Variants in LRMDA observed in about 807,000 individuals in gnomAD.
The protein encoded by LRMDA is leucine rich melanocyte differentiation associated.
In LRMDA, 18 loss-of-function variants were observed where a neutral mutation model predicts 29.8. The ratio of observed to expected loss-of-function variants is 0.60; its 90% CI spans 0.42 to 0.90. The LOEUF is 0.90. LRMDA is among the 40% of genes least tolerant of loss of function. LRMDA has a pLI of 0.00. For missense variants in LRMDA, 273 were observed against 273.9 expected, an observed-to-expected ratio of 1.00 and a Z score of 0.02; for synonymous variants, 125 against 109.4, an observed-to-expected ratio of 1.14 and a Z score of -0.89.
rs111249204 is a variant in LRMDA, at chr10:76,298,532, G to A, written c.517-25869G>A. Among the ~76,000 whole-genome samples, 1,178 of 152,316 alleles carry A rather than the reference G, an allele frequency of 7.7e-3. 17 individuals carry two copies. The highest frequency in any genetic ancestry group is 0.026 in the African/African-American group (1,077 of 41,558). ...GAGAGGAAATGAACTCTGACTTAGA[G>A]ACTCTCAAAGTCTGTCAAGAACTCA... On this transcript the variant is annotated intron_variant, in intron 5 of 6. Transcript: ENST00000611255.
rs538233553 is a variant in LRMDA at position 75,762,179 on chromosome 10, G to A, written c.132-273829G>A. On this transcript the variant is annotated intron_variant, in intron 2 of 6. Coordinates refer to ENST00000611255, the MANE Select transcript of LRMDA (RefSeq NM_001305581.2). Reference sequence around the variant, plus strand: ...GAAAGAGGCAGTTGTGCAGGGCACAGTAACAAGCGGATTAGGCATTGTTAT... The same window carrying A: ...GAAAGAGGCAGTTGTGCAGGGCACAATAACAAGCGGATTAGGCATTGTTAT... 9.8e-4 allele frequency among the ~76,000 whole-genome samples: 149 copies of A among 152,318 alleles called. 1 individual carries two copies. The highest frequency in any genetic ancestry group is 3.4e-3 in the Middle Eastern group (1 of 294).
At chr10:75,467,637 T>C (rs1187209220) in intron 2 of LRMDA, among the ~76,000 whole-genome samples, 1 of 152,074 alleles carries the variant, frequency 6.6e-6, no homozygotes, top group African/African-American at 2.4e-5. Context: ...TGTGGATAAA[T>C]TGTGGGGACA....
intron 2 of LRMDA, among the ~76,000 whole-genome samples, chr10:75,766,376 T>G (rs1011521490): frequency 2.3e-4 from 35 of 152,252 alleles, no homozygotes; most frequent in African/African-American, 7.9e-4. Flanking sequence ...ACATAATACA[T>G]GCTCAAAAAG....
chr10:76,503,212 T>A (rs1842928370), intron 6 of LRMDA, among the ~76,000 whole-genome samples: 1 of 151,988 alleles, frequency 6.6e-6, no homozygotes, highest in African/African-American at 2.4e-5. Context: ...GATTTGTATA[T>A]ATTGAACCAA....
At chr10:75,886,301 G>A (rs1224860368) in intron 2 of LRMDA, among the ~76,000 whole-genome samples, 2 of 152,164 alleles carry the variant, frequency 1.3e-5, no homozygotes, top group Non-Finnish European at 2.9e-5. Context: ...ACAGTGTATG[G>A]ACCAGTTTGT....
At chr10:76,000,227 C>T (rs1364197605) in intron 2 of LRMDA, among the ~76,000 whole-genome samples, 3 of 152,080 alleles carry the variant, frequency 2.0e-5, no homozygotes, top group South Asian at 2.1e-4. Flanking sequence ...AGAGCCCTGA[C>T]ATTATATGTG....
At chr10:75,756,928 G>A (rs545626448) in intron 2 of LRMDA, among the ~76,000 whole-genome samples, 32 of 152,322 alleles carry the variant, frequency 2.1e-4, no homozygotes, top group African/African-American at 7.2e-4. Flanking sequence ...TGAGGCCAGA[G>A]GGATGATTTA....
intron 2 of LRMDA, among the ~76,000 whole-genome samples, chr10:75,621,216 ACACACACACC>A (rs1432919319): frequency 9.8e-4 from 128 of 130,398 alleles, no homozygotes; most frequent in African/African-American, 3.4e-3. Flanking sequence ...ACACACACAC[ACACACACACC>A]CACACACCCA....
chr10:76,349,824 C>G (rs1322811240), intron 6 of LRMDA, among the ~76,000 whole-genome samples: 1 of 151,982 alleles, frequency 6.6e-6, no homozygotes, highest in Non-Finnish European at 1.5e-5. Flanking sequence ...ATATGCCAAT[C>G]CTAAGTTCCA....
At chr10:75,935,366 T>C (rs1194727125) in intron 2 of LRMDA, among the ~76,000 whole-genome samples, 1 of 152,198 alleles carries the variant, frequency 6.6e-6, no homozygotes, top group East Asian at 1.9e-4. Context: ...ATAAATGCAA[T>C]GACCTAACAA....
chr10:76,119,175 G>C (rs528492490), intron 5 of LRMDA, among the ~76,000 whole-genome samples: 1 of 151,954 alleles, frequency 6.6e-6, no homozygotes, highest in African/African-American at 2.4e-5. Context: ...TAAAAGAGGA[G>C]GCATTTGTTC....
chr10:76,225,923 GT>G (rs1851948844), intron 5 of LRMDA, among the ~76,000 whole-genome samples: 1 of 124,358 alleles, frequency 8.0e-6, no homozygotes, highest in Non-Finnish European at 1.5e-5. Context: ...TCCCCTTCCT[GT>G]GTCCAAATGT....
chr10:75,832,419 T>G (rs1844361699), intron 2 of LRMDA, among the ~76,000 whole-genome samples: 2 of 152,324 alleles, frequency 1.3e-5, no homozygotes, highest in African/African-American at 4.8e-5. Flanking sequence ...CAGCCTGGAT[T>G]GCATTGTCCA....
chr10:76,028,662 C>T (rs773404115), intron 2 of LRMDA, among the ~76,000 whole-genome samples: 2 of 152,016 alleles, frequency 1.3e-5, no homozygotes, highest in African/African-American at 2.4e-5. Flanking sequence ...ATCAAAATCC[C>T]TAGAATCTAC....
chr10:76,249,905 T>C (rs1234637583), intron 5 of LRMDA, among the ~76,000 whole-genome samples: 1 of 152,180 alleles, frequency 6.6e-6, no homozygotes, highest in Non-Finnish European at 1.5e-5. Context: ...CAGGTTCAAG[T>C]GATTCTCTTG....
chr10:75,796,994 G>A (rs1843664418), intron 2 of LRMDA, among the ~76,000 whole-genome samples: 1 of 152,114 alleles, frequency 6.6e-6, no homozygotes, highest in Non-Finnish European at 1.5e-5. Flanking sequence ...AAGATGAATT[G>A]GAAAGTGTTC....
chr10:75,992,676 G>C (rs1240639608), intron 2 of LRMDA, among the ~76,000 whole-genome samples: 1 of 152,172 alleles, frequency 6.6e-6, no homozygotes, highest in African/African-American at 2.4e-5. Context: ...TTGTCCCTAA[G>C]TTATGAGGAG....
intron 2 of LRMDA, among the ~76,000 whole-genome samples, chr10:75,482,018 G>A (rs914166862): frequency 5.3e-5 from 8 of 152,062 alleles, no homozygotes; most frequent in African/African-American, 1.2e-4. Context: ...ATAACATCAC[G>A]CACCTCTCTT....
Position 76,212,234 on chromosome 10 carries a change from A to AC in LRMDA, c.517-112167_517-112166insC, listed in dbSNP as rs1220832004. On this transcript the variant is annotated intron_variant, in intron 5 of 6. Transcript: ENST00000611255. The stretch of plus-strand genomic sequence containing the variant: ...TTTCTTTTTGTATGGTGTGAAAATT[A>AC]AAACACACACACACACACACACACA... Among the ~76,000 whole-genome samples, 41 of 128,986 alleles carry AC rather than the reference A, an allele frequency of 3.2e-4. 1 individual carries two copies. Among genetic ancestry groups the AC allele is most frequent in the African/African-American group, 1.2e-3 (41 of 33,834 alleles). The allele number at this position is 128,986 out of a possible 152,430, so 84.6% of individuals were successfully genotyped here.
Sources: gnomAD v4.1 joint callset for allele counts (sites outside exome capture counted in the v4.1 genomes callset) on GRCh38, gnomAD v4.1.1 for gene constraint, MANE v1.5 for transcripts, NCBI Gene and HGNC (gene_info 2026-07-23, HGNC 2026-07-21) for gene names.